The following SP2 variants were observed in gnomAD, a reference collection of about 807,000 sequenced individuals.
SP2 encodes Sp2 transcription factor, also known as transcription factor Sp2.
Under a neutral mutation model 50.1 loss-of-function variants are expected in SP2, and 9 were observed. That is an observed-to-expected ratio of 0.18 (90% CI 0.11 to 0.31). The LOEUF is 0.31. Ranked by LOEUF, SP2 falls within the 10% of genes least tolerant of loss-of-function variation. The pLI is 1.00. For missense variants in SP2, 581 were observed against 806.5 expected (o/e 0.72, Z 3.39); for synonymous variants, 313 against 326.6 (o/e 0.96, Z 0.45).
chr17:47,905,439 C>T (rs2034718989), intron 1 of SP2, among the ~76,000 whole-genome samples: 1 of 152,154 alleles, frequency 6.6e-6, no homozygotes, highest in Non-Finnish European at 1.5e-5. Flanking sequence ...TGGCAGGAAC[C>T]CACAGGCAAA....
chr17:47,912,469 G>A (rs2143907681), intron 1 of SP2, among the ~76,000 whole-genome samples: 1 of 150,034 alleles, frequency 6.7e-6, no homozygotes, highest in East Asian at 1.9e-4. Flanking sequence ...TATGGAGATG[G>A]GATCTTGCTC....
chr17:47,912,767 C>T (rs1294850564), intron 1 of SP2, among the ~76,000 whole-genome samples: 1 of 152,126 alleles, frequency 6.6e-6, no homozygotes, highest in Admixed American at 6.6e-5. Flanking sequence ...CTTTACTTTT[C>T]CCCATTTAAG....
chr17:47,915,444 C>G lies in SP2; in HGVS notation c.84+56C>G. 3 of 1,113,188 alleles carry G rather than the reference C, an allele frequency of 2.7e-6. No homozygotes were observed. In the Admixed American group the frequency reaches 6.3e-5, roughly 23 times the overall value. The allele number at this position is 1,113,188 out of a possible 1,614,324, so 69.0% of individuals were successfully genotyped here. ...GGCTGCAGCATCCTGGACAGACTCA[C>G]CGAAAACACTCTCTCTTCACTGTCT... On this transcript the variant is annotated intron_variant, in intron 2 of 6. Transcript: ENST00000376741.
At position 47,925,110 on chromosome 17, in the gene SP2, G is replaced by T; in HGVS notation, c.1547+17G>T. On this transcript the variant is annotated intron_variant, in intron 5 of 6. Coordinates refer to ENST00000376741, the MANE Select transcript of SP2 (RefSeq NM_003110.6). The stretch of plus-strand genomic sequence containing the variant: ...GGAGAAGAGGTAATTCAAGGAGAAG[G>T]CCCAAGCCACAAGGCTGGCCTGTGT... 1 of 1,573,520 alleles carries T rather than the reference G, an allele frequency of 6.4e-7. No homozygotes were observed.
At chr17:47,901,954 A>G (rs2034559364) in intron 1 of SP2, among the ~76,000 whole-genome samples, 1 of 152,202 alleles carries the variant, frequency 6.6e-6, no homozygotes, top group Non-Finnish European at 1.5e-5. Context: ...GGAAGCTTAC[A>G]TCTTAGTGGG....
chr17:47,902,546 C>T (rs1274760574), intron 1 of SP2, among the ~76,000 whole-genome samples: 1 of 152,124 alleles, frequency 6.6e-6, no homozygotes, highest in Non-Finnish European at 1.5e-5. Flanking sequence ...GTGGTAGAAG[C>T]AGTCAGATTG....
At chr17:47,918,659 T>C (rs190409475) in intron 3 of SP2, 2 of 152,372 alleles carry the variant, frequency 1.3e-5, no homozygotes, top group Admixed American at 6.5e-5. Context: ...CCCAACATGC[T>C]GATTATTATA....
rs574879795 is a variant in SP2, at chr17:47,917,468, AAAC to A, written c.1059+340_1059+342del. Among the ~76,000 whole-genome samples the A allele has an allele frequency of 3.6e-3, 547 of 152,338 alleles. 2 individuals carry two copies. The highest frequency in any genetic ancestry group is 6.4e-3 in the Non-Finnish European group (438 of 68,030). On this transcript the variant is annotated intron_variant, in intron 3 of 6. Transcript: ENST00000376741. ...TTACTCAAAACATTAGCAAGAATGA[AAAC>A]ATTCCAGTTCATAGAATTTTATGTA... is the stretch of plus-strand genomic sequence containing the variant.
intron 1 of SP2, chr17:47,897,337 T>G (rs1598089303): frequency 6.6e-6 from 1 of 152,348 alleles, no homozygotes. Flanking sequence ...TCATGTTTGT[T>G]TCTTAATTAA....
At position 47,916,014 on chromosome 17, in the gene SP2, AG is replaced by A; in HGVS notation, c.85-138del. On this transcript the variant is annotated intron_variant, in intron 2 of 6. Coordinates refer to ENST00000376741, the MANE Select transcript of SP2 (RefSeq NM_003110.6). The surrounding 1 kb of genome is among the most constrained non-coding windows in gnomAD (Gnocchi z 4.7). ...AGAGAAGGGGAGACAGCAGCCAAGC[AG>A]GGGAGGGTACTGGCAACATGCCTGC... The A allele has an allele frequency of 1.1e-6, 1 of 912,632 alleles. No individual in the cohort carries two copies. The highest frequency in any genetic ancestry group is 1.6e-5 in the South Asian group (1 of 61,944). 56.5% of individuals were successfully genotyped at this position (912,632 alleles called of 1,614,324 possible). A position where few individuals can be genotyped will look rare whatever the true frequency, so the allele number is the denominator to read the frequency against.
intron 6 of SP2, among the ~76,000 whole-genome samples, chr17:47,926,466 C>T (rs2035655333): frequency 6.6e-6 from 1 of 152,022 alleles, no homozygotes; most frequent in Non-Finnish European, 1.5e-5. Flanking sequence ...GCATGCACCA[C>T]CACACCTGGC....
chr17:47,913,712 T>C (rs1567695210), intron 1 of SP2, among the ~76,000 whole-genome samples: 1 of 152,132 alleles, frequency 6.6e-6, no homozygotes, highest in Non-Finnish European at 1.5e-5. Context: ...CTAGCCTCTT[T>C]TGGATGACTT....
At chr17:47,922,520 G>C (rs1296616341) in intron 3 of SP2, among the ~76,000 whole-genome samples, 1 of 146,104 alleles carries the variant, frequency 6.8e-6, no homozygotes, top group Non-Finnish European at 1.5e-5. Context: ...ACAAAGACCA[G>C]AAACTTTTTT....
intron 3 of SP2, among the ~76,000 whole-genome samples, chr17:47,922,624 T>C (rs1363445346): frequency 1.3e-5 from 2 of 152,076 alleles, no homozygotes; most frequent in African/African-American, 4.8e-5. Flanking sequence ...CTCTAAAATG[T>C]GGCTCTTAAA....
rs139266184 is a variant in SP2 at position 47,916,073 on chromosome 17, G to T, written c.85-83G>T. 1.3e-5 allele frequency: 19 copies of T among 1,500,174 alleles called. No individual in the cohort carries two copies. The East Asian group carries it at 1.6e-4, about 13-fold the overall frequency. The allele number at this position is 1,500,174 out of a possible 1,614,324, so 92.9% of individuals were successfully genotyped here. A position where few individuals can be genotyped will look rare whatever the true frequency, so the allele number is the denominator to read the frequency against. ...GTGGGGAAGACTGGCGTGGAATGCC[G>T]CCAGGAGGAGAGGATCATGGACAGA... On this transcript the variant is annotated intron_variant, in intron 2 of 6. Transcript: ENST00000376741. The surrounding 1 kb of genome is among the most constrained non-coding windows in gnomAD (Gnocchi z 4.7).
chr17:47,904,237 C>G (rs2034664646), intron 1 of SP2, among the ~76,000 whole-genome samples: 2 of 149,684 alleles, frequency 1.3e-5, no homozygotes, highest in African/African-American at 4.9e-5. Context: ...TGCACTCCAG[C>G]CTGGGTGACA....
intron 1 of SP2, among the ~76,000 whole-genome samples, chr17:47,904,061 G>C (rs1427967575): frequency 6.6e-6 from 1 of 152,062 alleles, no homozygotes; most frequent in Non-Finnish European, 1.5e-5. Flanking sequence ...AGGAGATCGA[G>C]ACCATCCTGG....
rs770324680 is a variant in SP2, at chr17:47,916,470, G to C, written c.399G>C (p.Gln133His). 7.5e-5 allele frequency: 121 copies of C among 1,613,944 alleles called. No homozygotes were observed. The highest frequency in any genetic ancestry group is 9.4e-5 in the Non-Finnish European group (111 of 1,180,020). ...GATCAAATGCCAATATCCAGTACCA[G>C]GCGGTCCCTCAGATTCAGGCAAGCA... ...GTRSNANIQY[Q>H]AVPQIQASNS... is the part of the protein sequence containing the mutation. Residue 133 changes from glutamine (Q) to histidine (H), a missense_variant, in exon 3 of 7, where the codon CAG (glutamine) becomes CAC (histidine). Gln to His is a conservative substitution (Grantham distance 24). Transcript: ENST00000376741. This position sits in a 1 kb window ranked among gnomAD's most constrained non-coding sequence, Gnocchi z 4.7.
chr17:47,916,236 ACCT>A lies in SP2; in HGVS notation c.169_171del (p.Pro57del), dbSNP rs748267495. Reference sequence around the variant, plus strand: ...CTCCAGCAGTTGAAGCTGCTGTGACACCTCCTGCTCCCCCACAGCCCACACCGC... The same window carrying A: ...CTCCAGCAGTTGAAGCTGCTGTGACACCTGCTCCCCCACAGCCCACACCGC... On this transcript the variant is annotated inframe_deletion, in exon 3 of 7. Coordinates refer to ENST00000376741, the MANE Select transcript of SP2 (RefSeq NM_003110.6). This position sits in a 1 kb window ranked among gnomAD's most constrained non-coding sequence, Gnocchi z 4.7. 6 of 1,613,646 alleles carry A rather than the reference ACCT, an allele frequency of 3.7e-6. No homozygotes were observed. Among genetic ancestry groups the A allele is most frequent in the East Asian group, 4.5e-5 (2 of 44,846 alleles).
Sources: gnomAD v4.1 joint callset for allele counts (sites outside exome capture counted in the v4.1 genomes callset) on GRCh38, gnomAD v4.1.1 for gene constraint, Gnocchi (gnomAD v3.1) non-coding constraint, MANE v1.5 for transcripts, NCBI Gene and HGNC (gene_info 2026-07-23, HGNC 2026-07-21) for gene names.